Variants in SLC35F1 observed in about 807,000 individuals in gnomAD.
SLC35F1 encodes the protein chromosome 6 open reading frame 169.
SLC35F1 carries 14 observed loss-of-function variants against 48.7 expected under a neutral mutation model. That is an observed-to-expected ratio of 0.29 (90% CI 0.19 to 0.45). The LOEUF (loss-of-function observed/expected upper bound fraction) is 0.45. Among genes scored for constraint, SLC35F1 ranks in the 20% least tolerant of loss-of-function variants. The pLI, the probability that SLC35F1 is intolerant of heterozygous loss-of-function variation, is 1.00. For synonymous variants in SLC35F1, 190 were observed against 202.2 expected (o/e 0.94, Z 0.51); for missense variants, 404 against 500.0 (o/e 0.81, Z 1.83).
At chr6:117,973,048 T>C (rs2114844494) in intron 1 of SLC35F1, among the ~76,000 whole-genome samples, 1 of 152,318 alleles carries the variant, frequency 6.6e-6, no homozygotes, top group South Asian at 2.1e-4. Flanking sequence ...ACTAGGAGGC[T>C]TAAACAATAG....
intron 2 of SLC35F1, among the ~76,000 whole-genome samples, chr6:118,223,722 C>T (rs561771353): frequency 2.6e-5 from 4 of 152,222 alleles, no homozygotes; most frequent in East Asian, 3.9e-4. Context: ...GCTTCTGGCC[C>T]GTTGACACTC....
At chr6:118,223,677 G>A (rs1261098380) in intron 2 of SLC35F1, among the ~76,000 whole-genome samples, 1 of 152,206 alleles carries the variant, frequency 6.6e-6, no homozygotes, top group Non-Finnish European at 1.5e-5. Flanking sequence ...AGAGCAGACG[G>A]GGAGAAGAGG....
intron 3 of SLC35F1, among the ~76,000 whole-genome samples, chr6:118,243,860 G>A (rs1410522376): frequency 1.3e-5 from 2 of 152,148 alleles, no homozygotes; most frequent in East Asian, 3.9e-4. Flanking sequence ...CCTGATGCAG[G>A]ACTATGGAAG....
chr6:118,153,021 C>T (rs1180555344), intron 1 of SLC35F1, among the ~76,000 whole-genome samples: 1 of 152,140 alleles, frequency 6.6e-6, no homozygotes, highest in African/African-American at 2.4e-5. Flanking sequence ...TCTCTGCATG[C>T]CCACATGCCT....
intron 2 of SLC35F1, among the ~76,000 whole-genome samples, chr6:118,169,419 A>T (rs1329352819): frequency 2.6e-5 from 4 of 152,218 alleles, no homozygotes; most frequent in Non-Finnish European, 4.4e-5. Flanking sequence ...AAATGAACTT[A>T]AAGAACCCAC....
intron 2 of SLC35F1, among the ~76,000 whole-genome samples, chr6:118,187,342 C>T (rs748008235): frequency 2.0e-5 from 3 of 152,164 alleles, no homozygotes; most frequent in Non-Finnish European, 4.4e-5. Flanking sequence ...CAGTTAATGC[C>T]AAGCCCCCTT....
rs1223457902 is a variant in SLC35F1 at position 117,972,636 on chromosome 6, G to T, written c.173+64737G>T. 2.0e-5 allele frequency among the ~76,000 whole-genome samples: 3 copies of T among 152,186 alleles called. No homozygotes were observed. In the East Asian group the frequency reaches 5.8e-4, roughly 29 times the overall value. On this transcript the variant is annotated intron_variant, in intron 1 of 7. Coordinates refer to ENST00000360388, the MANE Select transcript of SLC35F1 (RefSeq NM_001029858.4). ...CTTACATGGTGGCAGGCAAGAGCGTGTACAGGGGAACTGCCCTTTATAAAA... is the reference window on the plus strand; with the variant it reads ...CTTACATGGTGGCAGGCAAGAGCGTTTACAGGGGAACTGCCCTTTATAAAA...
intron 1 of SLC35F1, among the ~76,000 whole-genome samples, chr6:118,116,276 G>C (rs1773475182): frequency 6.6e-6 from 1 of 152,184 alleles, no homozygotes; most frequent in Admixed American, 6.5e-5. Context: ...GTTATCGGCA[G>C]ATTTGTTTAG....
chr6:118,311,279 T>C (rs989369335), intron 7 of SLC35F1, among the ~76,000 whole-genome samples: 1 of 152,256 alleles, frequency 6.6e-6, no homozygotes, highest in Non-Finnish European at 1.5e-5. Context: ...AGAAAGGCAC[T>C]GCATTATCTA....
At chr6:118,311,016 T>C (rs1324243540) in intron 7 of SLC35F1, among the ~76,000 whole-genome samples, 2 of 152,180 alleles carry the variant, frequency 1.3e-5, no homozygotes, top group African/African-American at 2.4e-5. Flanking sequence ...CTTTCCTGTC[T>C]CTACCACTAC....
chr6:117,941,617 C>T (rs1776234169), intron 1 of SLC35F1, among the ~76,000 whole-genome samples: 1 of 152,136 alleles, frequency 6.6e-6, no homozygotes, highest in East Asian at 1.9e-4. Flanking sequence ...TTCTTTTATA[C>T]AATATTATAT....
At chr6:118,204,122 A>C (rs1461499427) in intron 2 of SLC35F1, among the ~76,000 whole-genome samples, 1 of 151,714 alleles carries the variant, frequency 6.6e-6, no homozygotes, top group Non-Finnish European at 1.5e-5. Context: ...GACCCAAGAC[A>C]TAAGGGAGAG....
At chr6:117,979,554 T>C (rs973952078) in intron 1 of SLC35F1, among the ~76,000 whole-genome samples, 6 of 152,222 alleles carry the variant, frequency 3.9e-5, no homozygotes. Context: ...CACAGCTTGC[T>C]CTCTAGTAAT....
intron 1 of SLC35F1, among the ~76,000 whole-genome samples, chr6:117,923,731 G>GTGTA (rs1775965204): frequency 1.4e-5 from 1 of 70,016 alleles, no homozygotes; most frequent in South Asian, 5.3e-4. Flanking sequence ...ATATACATAT[G>GTGTA]TATATATACA....
At chr6:118,286,775 C>CTGTGTGTGTGTGTGTGTGTG (rs372641234) in intron 7 of SLC35F1, among the ~76,000 whole-genome samples, 67 of 143,672 alleles carry the variant, frequency 4.7e-4, no homozygotes, top group African/African-American at 1.5e-3. Flanking sequence ...TACCTTTTTT[C>CTGTGTGTGTGTGTGTGTGTG]TGTGTGTGTG....
At chr6:118,305,267 T>C (rs1776299926) in intron 7 of SLC35F1, among the ~76,000 whole-genome samples, 1 of 151,792 alleles carries the variant, frequency 6.6e-6, no homozygotes, top group Admixed American at 6.6e-5. Flanking sequence ...GTCTTTTTTT[T>C]CAAGACCTTC....
At chr6:117,917,182 C>A (rs1775837895) in intron 1 of SLC35F1, among the ~76,000 whole-genome samples, 1 of 152,010 alleles carries the variant, frequency 6.6e-6, no homozygotes, top group South Asian at 2.1e-4. Flanking sequence ...GGAGGAAAGT[C>A]ATTCCAGGCA....
intron 1 of SLC35F1, among the ~76,000 whole-genome samples, chr6:118,149,293 A>G (rs1318321382): frequency 2.0e-5 from 3 of 152,192 alleles, no homozygotes; most frequent in Non-Finnish European, 4.4e-5. Flanking sequence ...CAGTTATCTA[A>G]GGAAAAAATA....
intron 6 of SLC35F1, among the ~76,000 whole-genome samples, chr6:118,281,707 C>G (rs1775986909): frequency 6.6e-6 from 1 of 152,170 alleles, no homozygotes; most frequent in African/African-American, 2.4e-5. Context: ...GAGTAACTCC[C>G]TGGTATTGCT....
Sources: gnomAD v4.1 joint callset for allele counts (sites outside exome capture counted in the v4.1 genomes callset) on GRCh38, gnomAD v4.1.1 for gene constraint, MANE v1.5 for transcripts, NCBI Gene and HGNC (gene_info 2026-07-23, HGNC 2026-07-21) for gene names.